ARHGAP15: variants seen among roughly 807,000 people sequenced by gnomAD.
ARHGAP15 encodes the protein rho GTPase-activating protein 15.
Under a neutral mutation model 63.7 loss-of-function variants are expected in ARHGAP15, and 51 were observed. That is an observed-to-expected ratio of 0.80 (90% CI 0.64 to 1.01). The LOEUF is 1.01. ARHGAP15 is among the 50% of genes least tolerant of loss of function. The pLI is 0.00. For synonymous variants in ARHGAP15, 191 were observed against 193.8 expected (o/e 0.99, Z 0.12); for missense variants, 560 against 564.6 (o/e 0.99, Z 0.08).
intron 6 of ARHGAP15, among the ~76,000 whole-genome samples, chr2:143,354,196 G>A (rs1019540901): frequency 5.3e-5 from 8 of 152,282 alleles, no homozygotes; most frequent in Middle Eastern, 6.8e-3. Context: ...CTGAGGTTCA[G>A]TATGAGAGGC....
chr2:143,228,240 A>G (rs957276178), intron 4 of ARHGAP15: 5 of 162,744 alleles, frequency 3.1e-5, no homozygotes, highest in Non-Finnish European at 6.6e-5. Context: ...TCCTATTTTT[A>G]CTTTGCTATT....
intron 1 of ARHGAP15, among the ~76,000 whole-genome samples, chr2:143,134,501 A>G (rs552259974): frequency 6.6e-6 from 1 of 152,322 alleles, no homozygotes; most frequent in African/African-American, 2.4e-5. Context: ...TTGTAAGAAA[A>G]TGTATTCTTT....
At chr2:143,254,867 T>A (rs1481647904) in intron 6 of ARHGAP15, among the ~76,000 whole-genome samples, 1 of 148,778 alleles carries the variant, frequency 6.7e-6, no homozygotes, top group Admixed American at 6.7e-5. Context: ...TCACTCCTAT[T>A]AAAAAAAAAA....
intron 12 of ARHGAP15, among the ~76,000 whole-genome samples, chr2:143,681,520 A>AT (rs959048117): frequency 6.6e-6 from 1 of 152,154 alleles, no homozygotes; most frequent in African/African-American, 2.4e-5. Context: ...CTTCTGTTTT[A>AT]TTAAAAATAA....
At chr2:143,465,771 T>G (rs1159402599) in intron 8 of ARHGAP15, among the ~76,000 whole-genome samples, 1 of 152,094 alleles carries the variant, frequency 6.6e-6, no homozygotes, top group Non-Finnish European at 1.5e-5. Context: ...TCAACTAAAG[T>G]TTACCTTCTG....
chr2:143,711,187 C>T (rs528447918), intron 13 of ARHGAP15, among the ~76,000 whole-genome samples: 2 of 151,862 alleles, frequency 1.3e-5, no homozygotes, highest in South Asian at 4.2e-4. Flanking sequence ...ACCATCTGAC[C>T]CTTCACAGAA....
chr2:143,219,452 A>T (rs1692898968), intron 4 of ARHGAP15, among the ~76,000 whole-genome samples: 2 of 152,204 alleles, frequency 1.3e-5, no homozygotes, highest in Admixed American at 1.3e-4. Flanking sequence ...ATTGTTACTT[A>T]TCCAGTCTCC....
chr2:143,473,331 GT>G (rs1691666945), intron 8 of ARHGAP15, among the ~76,000 whole-genome samples: 1 of 152,136 alleles, frequency 6.6e-6, no homozygotes, highest in Non-Finnish European at 1.5e-5. Flanking sequence ...ACGTTCACAG[GT>G]GGCCTTTTCT....
chr2:143,235,883 A>AAGGG, intron 5 of ARHGAP15: 2 of 1,491,672 alleles, frequency 1.3e-6, no homozygotes, highest in Non-Finnish European at 1.8e-6. Flanking sequence ...AAGTATTTCA[A>AAGGG]TTGACTCTAG....
At chr2:143,617,751 T>C (rs1023694702) in intron 11 of ARHGAP15, among the ~76,000 whole-genome samples, 3 of 152,198 alleles carry the variant, frequency 2.0e-5, no homozygotes. Context: ...TGTCCTGGCT[T>C]GCCCCCAAGG....
intron 12 of ARHGAP15, among the ~76,000 whole-genome samples, chr2:143,666,251 C>T (rs1465384669): frequency 6.8e-6 from 1 of 146,096 alleles, no homozygotes; most frequent in Non-Finnish European, 1.5e-5. Context: ...ACAGAGCCCT[C>T]AGAAATAATG....
chr2:143,487,801 G>A (rs1016634215), intron 9 of ARHGAP15, among the ~76,000 whole-genome samples: 2 of 152,148 alleles, frequency 1.3e-5, no homozygotes, highest in Admixed American at 6.5e-5. Flanking sequence ...GTCCTCCTGT[G>A]TCTGGGTGGT....
chr2:143,488,353 T>G (rs1263869259), intron 9 of ARHGAP15, among the ~76,000 whole-genome samples: 1 of 152,196 alleles, frequency 6.6e-6, no homozygotes, highest in Admixed American at 6.5e-5. Context: ...GTGTGTCAAA[T>G]GAAAGGATGA....
chr2:143,168,216 G>T (rs940153594), intron 2 of ARHGAP15, among the ~76,000 whole-genome samples: 1 of 152,050 alleles, frequency 6.6e-6, no homozygotes, highest in Non-Finnish European at 1.5e-5. Context: ...TGGGCTGGAG[G>T]GTAGTGGTGC....
intron 6 of ARHGAP15, among the ~76,000 whole-genome samples, chr2:143,428,682 GACA>G (rs1689238913): frequency 1.3e-5 from 2 of 152,038 alleles, no homozygotes; most frequent in South Asian, 2.1e-4. Flanking sequence ...TGTAGAAAGA[GACA>G]ACAAGTCAGT....
chr2:143,340,456 A>G lies in ARHGAP15; in HGVS notation c.474+89856A>G, dbSNP rs558020866. On this transcript the variant is annotated intron_variant, in intron 6 of 13. Coordinates refer to ENST00000295095, the MANE Select transcript of ARHGAP15 (RefSeq NM_018460.4). ...AGATTTTGAAGGTTTTCTCTGTCTT[A>G]GTGATGTAATTTTCATTTGCTGTCT... 2.0e-5 allele frequency among the ~76,000 whole-genome samples: 3 copies of G among 152,200 alleles called. No individual in the cohort carries two copies. The East Asian group carries it at 5.8e-4, about 29-fold the overall frequency.
At chr2:143,336,011 T>G (rs1425092821) in intron 6 of ARHGAP15, among the ~76,000 whole-genome samples, 1 of 151,818 alleles carries the variant, frequency 6.6e-6, no homozygotes, top group African/African-American at 2.4e-5. Flanking sequence ...TGTAGTTTAT[T>G]TTTTTTGAGA....
In ARHGAP15 at chr2:143,209,557, T is replaced by TA. The variant is rs3070816; in HGVS notation, c.235-6817dup. 3.5e-3 allele frequency among the ~76,000 whole-genome samples: 526 copies of TA among 148,460 alleles called. 3 individuals are homozygous for TA. The highest frequency in any genetic ancestry group is 3.7e-3 in the Non-Finnish European group (248 of 66,866). On this transcript the variant is annotated intron_variant, in intron 3 of 13. Coordinates refer to ENST00000295095, the MANE Select transcript of ARHGAP15 (RefSeq NM_018460.4). Reference sequence around the variant, plus strand: ...GTCCAAATTACAAAATGTGCTATGATAAAAAAAAAACAAGTTTCTGTGAGA... The same window carrying TA: ...GTCCAAATTACAAAATGTGCTATGATAAAAAAAAAAACAAGTTTCTGTGAGA...
Position 143,519,318 on chromosome 2 carries a change from A to C in ARHGAP15, c.879A>C (p.Thr293=), listed in dbSNP as rs758644547. 2.5e-6 allele frequency: 4 copies of C among 1,613,194 alleles called. No individual in the cohort carries two copies. The highest frequency in any genetic ancestry group is 1.3e-5 in the African/African-American group (1 of 75,020). Residue 293 remains threonine (T), a synonymous_variant, in exon 10 of 14, where the codon ACA becomes ACC. Transcript: ENST00000295095. ...LHKVCERENS[T]VPWFVKQCIE... ...AAGTGTGTGAACGTGAAAATTCCAC[A>C]GTTCCGTGGTTTGTAAAGCAATGCA...
Sources: gnomAD v4.1 joint callset for allele counts (sites outside exome capture counted in the v4.1 genomes callset) on GRCh38, gnomAD v4.1.1 for gene constraint, MANE v1.5 for transcripts, NCBI Gene and HGNC (gene_info 2026-07-23, HGNC 2026-07-21) for gene names.